The following DCUN1D4 variants were observed in gnomAD, a reference collection of about 807,000 sequenced individuals.
DCUN1D4 encodes DCN1-like protein 4.
In DCUN1D4, 22 loss-of-function variants were observed where a neutral mutation model predicts 47.9. That is an observed-to-expected ratio of 0.46 (90% CI 0.33 to 0.66). The LOEUF is 0.66. DCUN1D4 is among the 30% of genes least tolerant of loss of function. DCUN1D4 has a pLI of 0.02. For missense variants in DCUN1D4, 301 were observed against 340.8 expected (o/e 0.88, Z 0.92); for synonymous variants, 121 against 112.2 (o/e 1.08, Z -0.50).
chr4:51,843,634 G>C (rs567737774), intron 1 of DCUN1D4: 142 of 1,253,984 alleles, frequency 1.1e-4, no homozygotes, highest in East Asian at 4.4e-4. Flanking sequence ...CCGGGGATGT[G>C]GGGGGGTGGC....
intron 8 of DCUN1D4, among the ~76,000 whole-genome samples, chr4:51,908,358 C>T (rs1476977997): frequency 1.3e-5 from 2 of 152,144 alleles, no homozygotes; most frequent in African/African-American, 4.8e-5. Context: ...GAGATGTTTT[C>T]ATTTCCTTCT....
At chr4:51,880,080 A>T (rs1728334339) in intron 5 of DCUN1D4, among the ~76,000 whole-genome samples, 1 of 152,116 alleles carries the variant, frequency 6.6e-6, no homozygotes, top group Non-Finnish European at 1.5e-5. Flanking sequence ...CTTTTGCTAT[A>T]GCTTGTCCAT....
intron 1 of DCUN1D4, chr4:51,843,562 C>G: frequency 7.9e-7 from 1 of 1,273,694 alleles, no homozygotes. Context: ...CGATGAAGGG[C>G]CGAGATCGGA....
At chr4:51,848,194 CA>C in intron 1 of DCUN1D4, 1 of 1,195,886 alleles carries the variant, frequency 8.4e-7, no homozygotes, top group Non-Finnish European at 1.1e-6. Context: ...TAATATTTTT[CA>C]AACATGCAGA....
intron 5 of DCUN1D4, among the ~76,000 whole-genome samples, chr4:51,879,718 C>G (rs766063189): frequency 6.6e-6 from 1 of 152,184 alleles, no homozygotes; most frequent in African/African-American, 2.4e-5. Flanking sequence ...TCTTGCTTTC[C>G]TATATTGATT....
intron 1 of DCUN1D4, chr4:51,848,360 A>C: frequency 7.9e-7 from 1 of 1,260,672 alleles, no homozygotes; most frequent in Non-Finnish European, 1.0e-6. Context: ...TTAAGGCAGC[A>C]TTAACAGGTC....
chr4:51,839,772 A>G (rs1184224203), upstream of DCUN1D4, among the ~76,000 whole-genome samples: 5 of 152,162 alleles, frequency 3.3e-5, no homozygotes, highest in Admixed American at 1.3e-4. Context: ...GTGCAGGCCC[A>G]ACTTATTTTC....
chr4:51,906,397 C>T (rs1165507961), intron 8 of DCUN1D4, among the ~76,000 whole-genome samples: 3 of 152,184 alleles, frequency 2.0e-5, no homozygotes, highest in Non-Finnish European at 2.9e-5. Context: ...TTCAACAACC[C>T]GTGTTATCAG....
intron 8 of DCUN1D4, among the ~76,000 whole-genome samples, chr4:51,906,384 G>C (rs1292988899): frequency 1.3e-5 from 2 of 152,230 alleles, no homozygotes; most frequent in Non-Finnish European, 2.9e-5. Flanking sequence ...GCTAGGTCTT[G>C]TGTTCAACAA....
chr4:51,873,613 A>T (rs187858522), intron 3 of DCUN1D4, among the ~76,000 whole-genome samples: 32 of 152,266 alleles, frequency 2.1e-4, no homozygotes, highest in African/African-American at 7.2e-4. Flanking sequence ...GTAAGACCTC[A>T]GTAAGTGTTC....
chr4:51,843,291 C>T (rs897541691), intron 1 of DCUN1D4, 24 bp downstream of exon 1: 4 of 1,514,502 alleles, frequency 2.6e-6, no homozygotes, highest in African/African-American at 1.4e-5. Context: ...AGCCAGCCAG[C>T]GGGCCGGGGC....
intron 6 of DCUN1D4, 36 bp downstream of exon 6, chr4:51,886,674 G>T (rs773826027): frequency 1.2e-5 from 18 of 1,547,012 alleles, no homozygotes; most frequent in Middle Eastern, 3.4e-4. Flanking sequence ...GAATCAGTTG[G>T]TTGTTTTTCA....
Position 51,863,871 on chromosome 4 carries a change from T to C in DCUN1D4, c.136+162T>C, listed in dbSNP as rs961026187. Among the ~76,000 whole-genome samples the C allele has an allele frequency of 5.9e-5, 9 of 152,242 alleles. No homozygotes were observed. The East Asian group carries it at 1.5e-3, about 26-fold the overall frequency. ...GGGAGTAATGAAGGCAGCCATGTTATAGCTTCTTCCCAGTAGGAAATCTCT... is the reference window on the plus strand; with the variant it reads ...GGGAGTAATGAAGGCAGCCATGTTACAGCTTCTTCCCAGTAGGAAATCTCT... On this transcript the variant is annotated intron_variant, in intron 3 of 10. Coordinates refer to ENST00000334635, the MANE Select transcript of DCUN1D4 (RefSeq NM_001040402.3).
intron 1 of DCUN1D4, among the ~76,000 whole-genome samples, chr4:51,862,158 G>T (rs6856974): frequency 0.34 from 52,411 of 152,070 alleles, 10,182 homozygotes; most frequent in East Asian, 0.6. Flanking sequence ...TGCTGGTTTT[G>T]GGGACCATTC....
chr4:51,837,322 G>A, the DCUN1D4 span, among the ~76,000 whole-genome samples: 1 of 152,164 alleles, frequency 6.6e-6, no homozygotes, highest in East Asian at 1.9e-4. Context: ...GGCTGTACTG[G>A]AATAAAATAT....
chr4:51,913,219 T>G (rs1733960300), intron 9 of DCUN1D4, 71 bp from the exon 10 acceptor site: 1 of 951,174 alleles, frequency 1.1e-6, no homozygotes, highest in African/African-American at 1.7e-5. Flanking sequence ...AGTTGATTCA[T>G]AAAGCAATTG....
intron 1 of DCUN1D4, among the ~76,000 whole-genome samples, chr4:51,856,942 G>C (rs922593332): frequency 3.9e-5 from 6 of 152,156 alleles, no homozygotes; most frequent in Non-Finnish European, 8.8e-5. Flanking sequence ...ATAGATCTCT[G>C]GCTGTTTATT....
At chr4:51,877,949 A>C in intron 5 of DCUN1D4, 95 bp downstream of exon 5, 1 of 855,696 alleles carries the variant, frequency 1.2e-6, no homozygotes, top group Non-Finnish European at 1.8e-6. Context: ...TACATTTCAA[A>C]TTTGGGTGTG....
Position 51,843,171 on chromosome 4 carries a change from A to C in DCUN1D4, c.-72A>C. ...GGTCCTCAGCTTCGAGCCGAGGTGC[A>C]GTGAGCTGGTGGGGGGACCGCGAGG... is the stretch of plus-strand genomic sequence containing the variant. On this transcript the variant is annotated 5_prime_UTR_variant, in exon 1 of 11. Coordinates refer to ENST00000334635, the MANE Select transcript of DCUN1D4 (RefSeq NM_001040402.3). The C allele has an allele frequency of 1.3e-6, 2 of 1,530,182 alleles. No homozygotes were observed. The allele number at this position is 1,530,182 out of a possible 1,614,324, so 94.8% of individuals were successfully genotyped here. A position where few individuals can be genotyped will look rare whatever the true frequency, so the allele number is the denominator to read the frequency against.
Sources: allele counts gnomAD v4.1 joint callset (sites outside exome capture counted in the v4.1 genomes callset), GRCh38; gene constraint gnomAD v4.1.1; transcripts MANE v1.5; gene names NCBI Gene and HGNC (gene_info 2026-07-23, HGNC 2026-07-21).